The following GRM5 variants were observed in gnomAD, a reference collection of about 807,000 sequenced individuals.
The protein encoded by GRM5 is metabotropic glutamate receptor 5.
GRM5 carries 19 observed loss-of-function variants against 83.1 expected under a neutral mutation model. That is an observed-to-expected ratio of 0.23 (90% CI 0.16 to 0.34). The LOEUF (loss-of-function observed/expected upper bound fraction) is 0.34. Ranked by LOEUF, GRM5 falls within the 10% of genes least tolerant of loss-of-function variation. The probability of loss-of-function intolerance (pLI) is 1.00; values close to 1 mark genes in which losing one functional copy is unlikely to be tolerated. For missense variants in GRM5, 1,160 were observed against 1,588.3 expected (o/e 0.73, Z 4.58); for synonymous variants, 675 against 633.6 (o/e 1.07, Z -0.98).
chr11:88,994,237 C>T (rs187309069), intron 2 of GRM5, among the ~76,000 whole-genome samples: 37 of 151,286 alleles, frequency 2.4e-4, no homozygotes, highest in Non-Finnish European at 7.4e-5. Flanking sequence ...AAAAAAGACA[C>T]AAATAAATTA....
intron 2 of GRM5, among the ~76,000 whole-genome samples, chr11:88,887,281 G>C (rs575726185): frequency 6.6e-5 from 10 of 152,286 alleles, no homozygotes; most frequent in African/African-American, 1.9e-4. Context: ...TTAGTAAGGG[G>C]ATTTTAAGTC....
chr11:88,715,488 T>C (rs534135006), intron 3 of GRM5, among the ~76,000 whole-genome samples: 15 of 152,056 alleles, frequency 9.9e-5, no homozygotes, highest in African/African-American at 3.4e-4. Context: ...TTCTAAGTTA[T>C]CTATGAAGCA....
chr11:88,604,589 G>A (rs962824536), intron 5 of GRM5, 129 bp downstream of exon 5: 2 of 757,866 alleles, frequency 2.6e-6, no homozygotes, highest in Admixed American at 5.2e-5. Context: ...GCTCATTTGG[G>A]ATGTCAGGGA....
chr11:88,964,371 G>GTT (rs35284482), intron 2 of GRM5, among the ~76,000 whole-genome samples: 87 of 149,120 alleles, frequency 5.8e-4, no homozygotes, highest in East Asian at 9.8e-4. Context: ...GGCACAGAGG[G>GTT]TTTTTTTTTT....
At chr11:88,766,747 C>G (rs1942630838) in intron 3 of GRM5, among the ~76,000 whole-genome samples, 1 of 151,968 alleles carries the variant, frequency 6.6e-6, no homozygotes, top group Admixed American at 6.6e-5. Context: ...AAGGAACTAT[C>G]AACAGAGTAA....
chr11:88,860,641 T>C (rs1490904882), intron 2 of GRM5, among the ~76,000 whole-genome samples: 1 of 152,196 alleles, frequency 6.6e-6, no homozygotes, highest in African/African-American at 2.4e-5. Flanking sequence ...GGCCTGCCGC[T>C]ACCTTCTCCA....
chr11:88,724,962 C>T (rs1342660751), intron 3 of GRM5, among the ~76,000 whole-genome samples: 1 of 152,086 alleles, frequency 6.6e-6, no homozygotes, highest in Non-Finnish European at 1.5e-5. Flanking sequence ...GTTTCAAGCA[C>T]AAAACTGGGT....
chr11:88,555,881 T>G (rs1027967669), intron 8 of GRM5, among the ~76,000 whole-genome samples: 1 of 152,148 alleles, frequency 6.6e-6, no homozygotes, highest in South Asian at 2.1e-4. Context: ...TTAGTTTCTA[T>G]GTAATTAAGT....
chr11:88,846,561 T>C (rs1944306556), intron 3 of GRM5, among the ~76,000 whole-genome samples: 1 of 152,224 alleles, frequency 6.6e-6, no homozygotes, highest in African/African-American at 2.4e-5. Context: ...GTCTTAGTCC[T>C]GCCAAGCACT....
At chr11:88,921,582 A>G (rs1469266409) in intron 2 of GRM5, among the ~76,000 whole-genome samples, 1 of 152,024 alleles carries the variant, frequency 6.6e-6, no homozygotes, top group African/African-American at 2.4e-5. Flanking sequence ...GTGAGCTGAG[A>G]TCATGCCACT....
In GRM5 at chr11:88,567,610, A is replaced by G; in HGVS notation, c.2073T>C (p.Cys691=). 3.1e-6 allele frequency: 5 copies of G among 1,614,154 alleles called. No homozygotes were observed. Among genetic ancestry groups the G allele is most frequent in the Non-Finnish European group, 4.2e-6 (5 of 1,179,998 alleles). Residue 691 remains cysteine, a synonymous_variant, in exon 8 of 10, where the codon TGT becomes TGC. Coordinates refer to ENST00000305447, the MANE Select transcript of GRM5 (RefSeq NM_001143831.3). This position sits in a 1 kb window ranked among gnomAD's most constrained non-coding sequence, Gnocchi z 7.3. ...GAATGAAAGCAATCACTAGCTGGGCACAGGCACTCATGAATCTGGGCTTTT... is the reference window on the plus strand; with the variant it reads ...GAATGAAAGCAATCACTAGCTGGGCGCAGGCACTCATGAATCTGGGCTTTT... The part of the protein sequence containing the change: ...CTKKPRFMSA[C]AQLVIAFILI...
Position 88,803,413 on chromosome 11 carries a change from T to C in GRM5, c.911+46493A>G, listed in dbSNP as rs1458570583. On this transcript the variant is annotated intron_variant, in intron 3 of 9. Coordinates refer to ENST00000305447, the MANE Select transcript of GRM5 (RefSeq NM_001143831.3). ...TACAACTATCTGATCTTTGACAAACTTGAGAAAAACAAGCAATGGGGAAAG... is the reference window on the plus strand; with the variant it reads ...TACAACTATCTGATCTTTGACAAACCTGAGAAAAACAAGCAATGGGGAAAG... Among the ~76,000 whole-genome samples, 118 of 151,692 alleles carry C rather than the reference T, an allele frequency of 7.8e-4. 1 individual carries two copies. Among genetic ancestry groups the C allele is most frequent in the African/African-American group, 2.6e-3 (109 of 41,278 alleles).
intron 2 of GRM5, among the ~76,000 whole-genome samples, chr11:88,902,922 G>A (rs989361321): frequency 7.7e-6 from 1 of 129,254 alleles, no homozygotes; most frequent in African/African-American, 3.1e-5. Context: ...CTGCACTCCA[G>A]CCTGGGCGAC....
At chr11:88,790,726 A>G (rs1943158394) in intron 3 of GRM5, among the ~76,000 whole-genome samples, 2 of 152,246 alleles carry the variant, frequency 1.3e-5, no homozygotes, top group Admixed American at 6.5e-5. Flanking sequence ...TAGGCAACAG[A>G]GGTAATGGTT....
intron 3 of GRM5, among the ~76,000 whole-genome samples, chr11:88,677,429 C>T (rs1940361853): frequency 6.6e-6 from 1 of 152,032 alleles, no homozygotes; most frequent in Non-Finnish European, 1.5e-5. Flanking sequence ...AGAACATTTC[C>T]TGGGAATTGT....
intron 4 of GRM5, among the ~76,000 whole-genome samples, chr11:88,614,806 G>A (rs908494114): frequency 1.3e-5 from 2 of 152,160 alleles, no homozygotes; most frequent in East Asian, 1.9e-4. Flanking sequence ...TCGATTTTCC[G>A]TGGTCACTCA....
At chr11:88,621,052 A>C (rs1328173355) in intron 4 of GRM5, among the ~76,000 whole-genome samples, 1 of 152,222 alleles carries the variant, frequency 6.6e-6, no homozygotes, top group Non-Finnish European at 1.5e-5. Flanking sequence ...TTTAGATACC[A>C]TATCTCTCAT....
At chr11:88,792,472 T>C (rs1304132167) in intron 3 of GRM5, among the ~76,000 whole-genome samples, 3 of 152,132 alleles carry the variant, frequency 2.0e-5, no homozygotes, top group Non-Finnish European at 2.9e-5. Flanking sequence ...TCCATTAACA[T>C]ACTGTGTTCA....
At chr11:88,749,734 C>A (rs924485772) in intron 3 of GRM5, among the ~76,000 whole-genome samples, 1 of 152,166 alleles carries the variant, frequency 6.6e-6, no homozygotes, top group South Asian at 2.1e-4. Context: ...ATTAGACTAA[C>A]AGTGGACCTC....
Sources: gnomAD v4.1 joint callset for allele counts (sites outside exome capture counted in the v4.1 genomes callset) on GRCh38, gnomAD v4.1.1 for gene constraint, Gnocchi (gnomAD v3.1) non-coding constraint, MANE v1.5 for transcripts, NCBI Gene and HGNC (gene_info 2026-07-23, HGNC 2026-07-21) for gene names.